Variants in LRP1B observed in about 807,000 individuals in gnomAD.
LRP1B encodes low-density lipoprotein receptor-related protein 1B.
A neutral mutation model predicts 556.6 loss-of-function variants in LRP1B; 217 were observed. The observed-to-expected ratio is 0.39, with a 90% CI of 0.35 to 0.44. The LOEUF is 0.44. LRP1B is among the 20% of genes least tolerant of loss of function. The pLI, the probability that LRP1B is intolerant of heterozygous loss-of-function variation, is 1.00. For missense variants in LRP1B, 5,053 were observed against 5,620.8 expected (o/e 0.90, Z 3.23); for synonymous variants, 2,047 against 1,865.8 (o/e 1.10, Z -2.50).
intron 82 of LRP1B, among the ~76,000 whole-genome samples, chr2:140,315,426 T>C (rs1684478798): frequency 6.6e-6 from 1 of 152,170 alleles, no homozygotes; most frequent in African/African-American, 2.4e-5. Flanking sequence ...CTTTTTTATT[T>C]TACTGAGACA....
At chr2:140,929,817 T>C (rs1165409382) in intron 20 of LRP1B, among the ~76,000 whole-genome samples, 1 of 146,436 alleles carries the variant, frequency 6.8e-6, no homozygotes, top group Non-Finnish European at 1.5e-5. Flanking sequence ...CCACTTCTCA[T>C]TCTACTTCCT....
chr2:140,274,762 A>G (rs1350600922), intron 84 of LRP1B, among the ~76,000 whole-genome samples, 164 bp from the exon 85 acceptor site: 2 of 151,260 alleles, frequency 1.3e-5, no homozygotes. Context: ...TAATAATGCT[A>G]TTGATTCTCC....
intron 2 of LRP1B, among the ~76,000 whole-genome samples, chr2:141,544,627 C>T (rs6719851): frequency 0.28 from 42,830 of 151,224 alleles, 6,177 homozygotes; most frequent in South Asian, 0.45. Flanking sequence ...CACACTTTCA[C>T]CTTCCTGTGG....
At chr2:140,866,102 A>G (rs1358777626) in intron 27 of LRP1B, among the ~76,000 whole-genome samples, 1 of 152,148 alleles carries the variant, frequency 6.6e-6, no homozygotes, top group African/African-American at 2.4e-5. Context: ...GGTCCAGTTC[A>G]TTTAGATTGC....
At chr2:140,786,395 T>A (rs1689901295) in intron 32 of LRP1B, among the ~76,000 whole-genome samples, 1 of 152,208 alleles carries the variant, frequency 6.6e-6, no homozygotes, top group African/African-American at 2.4e-5. Flanking sequence ...TTGGAGCCAT[T>A]ACATTTTTAC....
intron 2 of LRP1B, among the ~76,000 whole-genome samples, chr2:141,651,869 ATTAAACATT>A (rs1310372362): frequency 6.6e-6 from 1 of 152,166 alleles, no homozygotes; most frequent in Non-Finnish European, 1.5e-5. Flanking sequence ...AAATTGGTTA[ATTAAACATT>A]TTAAATATAT....
At chr2:141,879,911 G>A (rs1187508004) in intron 1 of LRP1B, among the ~76,000 whole-genome samples, 14 of 151,906 alleles carry the variant, frequency 9.2e-5, no homozygotes, top group Admixed American at 8.5e-4. Context: ...TGCACACTTT[G>A]TATGCATTTT....
intron 7 of LRP1B, among the ~76,000 whole-genome samples, chr2:141,110,835 T>C (rs1393288618): frequency 6.6e-6 from 1 of 152,208 alleles, no homozygotes; most frequent in East Asian, 1.9e-4. Context: ...CTGAGAAGGC[T>C]TATTTTGATG....
intron 3 of LRP1B, among the ~76,000 whole-genome samples, chr2:141,377,582 C>G (rs1689485745): frequency 6.6e-6 from 1 of 152,028 alleles, no homozygotes; most frequent in African/African-American, 2.4e-5. Context: ...CAAAAATTCA[C>G]TGTTGGATAT....
intron 2 of LRP1B, among the ~76,000 whole-genome samples, chr2:141,567,023 T>A (rs569380185): frequency 6.6e-6 from 1 of 152,128 alleles, no homozygotes; most frequent in East Asian, 1.9e-4. Flanking sequence ...CATTCTTACA[T>A]AGGAAGATCA....
intron 11 of LRP1B, among the ~76,000 whole-genome samples, chr2:141,033,181 A>G (rs1698429383): frequency 6.6e-6 from 1 of 151,872 alleles, no homozygotes; most frequent in South Asian, 2.1e-4. Context: ...AACTGTGAGA[A>G]AAGAGTGTGC....
At chr2:141,178,617 T>A (rs1558914153) in intron 7 of LRP1B, among the ~76,000 whole-genome samples, 2 of 152,060 alleles carry the variant, frequency 1.3e-5, no homozygotes, top group Non-Finnish European at 2.9e-5. Context: ...AAGAGAAGAT[T>A]TTGCAGAGAT....
chr2:141,657,197 G>A (rs1486341317), intron 2 of LRP1B, among the ~76,000 whole-genome samples: 3 of 152,004 alleles, frequency 2.0e-5, no homozygotes, highest in African/African-American at 7.2e-5. Context: ...AATGCAAAAT[G>A]TTTGTATTTA....
intron 50 of LRP1B, among the ~76,000 whole-genome samples, chr2:140,514,987 C>T (rs1689829349): frequency 6.6e-6 from 1 of 151,898 alleles, no homozygotes; most frequent in Non-Finnish European, 1.5e-5. Context: ...ATTTGTTCAA[C>T]ATGATTCTTA....
intron 7 of LRP1B, among the ~76,000 whole-genome samples, chr2:141,081,747 C>G (rs1699928110): frequency 6.6e-6 from 1 of 152,044 alleles, no homozygotes; most frequent in Admixed American, 6.5e-5. Context: ...CTAAGAGGCA[C>G]AGTAGAACTT....
chr2:141,831,903 C>A (rs1279008136), intron 1 of LRP1B, among the ~76,000 whole-genome samples: 1 of 151,700 alleles, frequency 6.6e-6, no homozygotes, highest in Non-Finnish European at 1.5e-5. Context: ...TTTCATTGCT[C>A]AAGCCTCACT....
chr2:141,164,111 A>G (rs1558903823), intron 7 of LRP1B, among the ~76,000 whole-genome samples: 2 of 152,224 alleles, frequency 1.3e-5, no homozygotes, highest in East Asian at 1.9e-4. Context: ...GGGTAAGATA[A>G]TTATTGCTCT....
chr2:140,800,545 G>A (rs1690472800), intron 32 of LRP1B, among the ~76,000 whole-genome samples: 3 of 152,096 alleles, frequency 2.0e-5, no homozygotes, highest in Admixed American at 2.0e-4. Flanking sequence ...CACAAGTATA[G>A]AATTGTAAAT....
chr2:141,652,281 T>C (rs1382568481), intron 2 of LRP1B, among the ~76,000 whole-genome samples: 1 of 152,202 alleles, frequency 6.6e-6, no homozygotes, highest in Non-Finnish European at 1.5e-5. Flanking sequence ...AGAAAAAATA[T>C]CCAATTCAGA....
Sources: allele counts gnomAD v4.1 joint callset (sites outside exome capture counted in the v4.1 genomes callset), GRCh38; gene constraint gnomAD v4.1.1; transcripts MANE v1.5; gene names NCBI Gene and HGNC (gene_info 2026-07-23, HGNC 2026-07-21).